The following ZNF385D variants were observed in gnomAD, a reference collection of about 807,000 sequenced individuals.
The protein encoded by ZNF385D is zinc finger protein 385D.
In ZNF385D, 15 loss-of-function variants were observed where a neutral mutation model predicts 35.8. That is an observed-to-expected ratio of 0.42 (90% CI 0.28 to 0.64). ZNF385D has a LOEUF of 0.64. Ranked by LOEUF, ZNF385D falls within the 30% of genes least tolerant of loss-of-function variation. The pLI is 0.23. For missense variants in ZNF385D, 474 were observed against 494.6 expected, an observed-to-expected ratio of 0.96 and a Z score of 0.39; for synonymous variants, 212 against 186.8, an observed-to-expected ratio of 1.13 and a Z score of -1.10.
At chr3:22,046,631 T>C (rs910270280) in intron 3 of ZNF385D, among the ~76,000 whole-genome samples, 5 of 152,148 alleles carry the variant, frequency 3.3e-5, no homozygotes, top group Admixed American at 6.6e-5. Context: ...TGCAAATATA[T>C]TGAGATTTAT....
intron 3 of ZNF385D, among the ~76,000 whole-genome samples, chr3:21,857,273 G>C (rs1305838333): frequency 6.6e-6 from 1 of 151,992 alleles, no homozygotes; most frequent in Non-Finnish European, 1.5e-5. Context: ...TTAATATTGT[G>C]TGTCAACATG....
At chr3:21,838,649 A>C (rs1025112249) in intron 3 of ZNF385D, among the ~76,000 whole-genome samples, 6 of 152,086 alleles carry the variant, frequency 3.9e-5, no homozygotes, top group Non-Finnish European at 5.9e-5. Flanking sequence ...AGGATAGCAA[A>C]CTGGCCTTAT....
chr3:21,824,406 C>T (rs556383736), intron 3 of ZNF385D, among the ~76,000 whole-genome samples: 2 of 152,034 alleles, frequency 1.3e-5, no homozygotes, highest in African/African-American at 4.8e-5. Context: ...ACTTCTATCT[C>T]AAAATAATAA....
At chr3:21,797,174 T>C (rs1213581655) in intron 3 of ZNF385D, among the ~76,000 whole-genome samples, 1 of 152,170 alleles carries the variant, frequency 6.6e-6, no homozygotes, top group African/African-American at 2.4e-5. Context: ...ATGGGCCAAA[T>C]ACCTTGCCAG....
intron 3 of ZNF385D, among the ~76,000 whole-genome samples, chr3:21,900,359 A>C (rs972857704): frequency 6.6e-6 from 1 of 152,152 alleles, no homozygotes; most frequent in African/African-American, 2.4e-5. Context: ...TTTTCAGATC[A>C]ATGGAAGAAA....
At chr3:22,222,740 A>G (rs1049694469) in intron 2 of ZNF385D, among the ~76,000 whole-genome samples, 1 of 152,206 alleles carries the variant, frequency 6.6e-6, no homozygotes, top group Non-Finnish European at 1.5e-5. Flanking sequence ...GAAAATTATA[A>G]AGCTCTAAGT....
chr3:21,535,213 T>TA (rs796068755), intron 3 of ZNF385D, among the ~76,000 whole-genome samples: 4 of 152,272 alleles, frequency 2.6e-5, no homozygotes, highest in African/African-American at 9.6e-5. Flanking sequence ...CATGTTACTC[T>TA]AGGTATGAAT....
chr3:22,026,078 A>G (rs1240495461), intron 3 of ZNF385D, among the ~76,000 whole-genome samples: 3 of 152,292 alleles, frequency 2.0e-5, no homozygotes, highest in Admixed American at 2.0e-4. Context: ...AATTAATCAT[A>G]GTGTTGCTAG....
chr3:22,278,408 A>T (rs1701543360), intron 2 of ZNF385D, among the ~76,000 whole-genome samples: 3 of 151,984 alleles, frequency 2.0e-5, no homozygotes, highest in Admixed American at 2.0e-4. Context: ...GAGTTTGACC[A>T]TTTTTGTTTT....
chr3:21,617,356 G>T (rs938314687), intron 2 of ZNF385D, among the ~76,000 whole-genome samples: 23 of 152,322 alleles, frequency 1.5e-4, no homozygotes, highest in African/African-American at 5.5e-4. Flanking sequence ...TTGAGTCGTA[G>T]CTCTGTTATT....
rs1553696866 is a variant in ZNF385D, at chr3:21,908,157, T to TCTAC, written c.326-243130_326-243129insGTAG. ...ATCTATCTATCTATCTATCTATCTATCTATCTATCTATCTATATATGTATA... is the reference window on the plus strand; with the variant it reads ...ATCTATCTATCTATCTATCTATCTATCTACCTATCTATCTATCTATATATGTATA... On this transcript the variant is annotated intron_variant, in intron 3 of 5. Transcript: ENST00000494108. Among the ~76,000 whole-genome samples, 1,356 of 150,264 alleles carry TCTAC rather than the reference T, an allele frequency of 9.0e-3. 21 individuals carry two copies. The highest frequency in any genetic ancestry group is 0.023 in the African/African-American group (936 of 40,456).
intron 3 of ZNF385D, among the ~76,000 whole-genome samples, chr3:21,904,302 C>CAAAAAAAAAAAAAAAAAAAAAAAAAAAA (rs548922115): frequency 1.3e-5 from 1 of 79,284 alleles, no homozygotes; most frequent in African/African-American, 4.6e-5. Context: ...GACTCCATCT[C>CAAAAAAAAAAAAAAAAAAAAAAAAAAAA]AAAAAAAAAA....
chr3:21,448,434 G>C lies in ZNF385D; in HGVS notation c.440-11231C>G, dbSNP rs1284604870. On this transcript the variant is annotated intron_variant, in intron 4 of 7. Transcript: ENST00000281523. Reference sequence around the variant, plus strand: ...CTCTGCAAAGAAGGAAGAAAAATGGGGGTCATCACATAACACAATGATTTC... The same window carrying C: ...CTCTGCAAAGAAGGAAGAAAAATGGCGGTCATCACATAACACAATGATTTC... 2.0e-5 allele frequency among the ~76,000 whole-genome samples: 3 copies of C among 152,136 alleles called. No homozygotes were observed. The East Asian group carries it at 5.8e-4, about 29-fold the overall frequency.
rs139509736 is a variant in ZNF385D, at chr3:22,067,258, C to A, written c.325+101559G>T. Among the ~76,000 whole-genome samples the A allele has an allele frequency of 8.1e-3, 1,235 of 152,316 alleles. 22 individuals are homozygous for A. The highest frequency in any genetic ancestry group is 0.027 in the African/African-American group (1,143 of 41,570). On this transcript the variant is annotated intron_variant, in intron 3 of 5. Coordinates refer to the ZNF385D transcript ENST00000494108. ...CTTTTATGACTGGAGACATTAAGGG[C>A]AACCTGTCATCTCTGTAAAATAACA...
intron 3 of ZNF385D, among the ~76,000 whole-genome samples, chr3:22,134,732 T>C (rs551533032): frequency 3.5e-4 from 54 of 152,298 alleles, no homozygotes; most frequent in Middle Eastern, 3.4e-3. Context: ...AAGTCCAAGA[T>C]TGAGGGTCCA....
rs533725176 is a variant in ZNF385D, at chr3:21,751,178, C to T, written c.-262G>A. On this transcript the variant is annotated 5_prime_UTR_variant, in exon 1 of 8. Transcript: ENST00000281523. ...CTTACTGTAATCCGACTCCTCCTTG[C>T]GATGTCCTTGCCGCGCCTGTGACAT... 8.6e-5 allele frequency: 120 copies of T among 1,390,654 alleles called. 5 individuals are homozygous for T. In the South Asian group the frequency reaches 1.8e-3, roughly 21 times the overall value. The allele number at this position is 1,390,654 out of a possible 1,614,324, so 86.1% of individuals were successfully genotyped here.
chr3:21,573,022 T>C (rs1349237504), intron 2 of ZNF385D, among the ~76,000 whole-genome samples: 3 of 152,188 alleles, frequency 2.0e-5, no homozygotes, highest in Non-Finnish European at 4.4e-5. Flanking sequence ...ATTAGGGTTT[T>C]ACAGCTGGGT....
chr3:21,951,446 G>T (rs986075482), intron 3 of ZNF385D, among the ~76,000 whole-genome samples: 7 of 151,640 alleles, frequency 4.6e-5, no homozygotes, highest in Admixed American at 2.0e-4. Flanking sequence ...GAGATTTGGG[G>T]CTGAGACGAT....
intron 2 of ZNF385D, among the ~76,000 whole-genome samples, chr3:22,237,498 T>A (rs1278764198): frequency 6.6e-6 from 1 of 152,200 alleles, no homozygotes; most frequent in Non-Finnish European, 1.5e-5. Context: ...GATGTTTTAA[T>A]TTTTATGTAG....
Sources: allele counts gnomAD v4.1 joint callset (sites outside exome capture counted in the v4.1 genomes callset), GRCh38; gene constraint gnomAD v4.1.1; transcripts MANE v1.5; gene names NCBI Gene and HGNC (gene_info 2026-07-23, HGNC 2026-07-21).